Variants in GPR139 observed in about 807,000 individuals in gnomAD.
GPR139 encodes G protein-coupled receptor 139, also known as probable G protein-coupled receptor 139.
GPR139 carries 12 observed loss-of-function variants against 25.8 expected under a neutral mutation model. The ratio of observed to expected loss-of-function variants is 0.47; its 90% CI spans 0.30 to 0.75. The LOEUF is 0.75. Among genes scored for constraint, GPR139 ranks in the 30% least tolerant of loss-of-function variants. The pLI is 0.07. For synonymous variants in GPR139, 184 were observed against 179.9 expected (o/e 1.02, Z -0.18); for missense variants, 380 against 450.2 (o/e 0.84, Z 1.41).
chr16:20,050,935 T>A (rs2608177), intron 1 of GPR139, among the ~76,000 whole-genome samples: 3 of 151,770 alleles, frequency 2.0e-5, no homozygotes, highest in Admixed American at 1.3e-4. Flanking sequence ...CAGTGTCAAG[T>A]GCCTGCTGTC....
intron 1 of GPR139, among the ~76,000 whole-genome samples, chr16:20,059,103 G>A (rs888625694): frequency 6.6e-6 from 1 of 152,152 alleles, no homozygotes; most frequent in Non-Finnish European, 1.5e-5. Flanking sequence ...TGGGTGCCAG[G>A]CCCTGTTCTG....
rs755708269 is a variant in GPR139 at position 20,032,128 on chromosome 16, C to T, written c.669G>A (p.Thr223=). 2.0e-5 allele frequency: 32 copies of T among 1,613,980 alleles called. No homozygotes were observed. In the East Asian group the frequency reaches 2.2e-4, roughly 11 times the overall value. ...TGAACAAGATGGCGGTGGTCTTCCC[C>T]GTGGAGTAGCCACGGAGACGAAAAT... is the stretch of plus-strand genomic sequence containing the variant. ...KSNFRLRGYS[T]GKTTAILFTI... The change falls in exon 2 of 2, where the codon ACG becomes ACA. Residue 223 remains threonine (T), a synonymous_variant. Transcript: ENST00000570682.
rs2141198610 is a variant in GPR139, at chr16:20,031,077, T to G, written c.*658A>C. On this transcript the variant is annotated 3_prime_UTR_variant, in exon 2 of 2. Coordinates refer to ENST00000570682, the MANE Select transcript of GPR139 (RefSeq NM_001002911.4). ...ATAATGATAAATAGAAAACTGCCTT[T>G]TAGACCCCAGGTTTGAGGTCACAGC... Among the ~76,000 whole-genome samples, 1 of 152,244 alleles carries G rather than the reference T, an allele frequency of 6.6e-6. No homozygotes were observed. Among genetic ancestry groups the G allele is most frequent in the South Asian group, 2.1e-4 (1 of 4,812 alleles).
At chr16:20,033,944 A>G (rs1000169739) in intron 1 of GPR139, among the ~76,000 whole-genome samples, 1 of 151,564 alleles carries the variant, frequency 6.6e-6, no homozygotes, top group Non-Finnish European at 1.5e-5. Context: ...GTGGGGTCAG[A>G]TTTGTCTTGA....
intron 1 of GPR139, among the ~76,000 whole-genome samples, chr16:20,057,866 G>T (rs982786467): frequency 6.6e-6 from 1 of 152,110 alleles, no homozygotes; most frequent in Non-Finnish European, 1.5e-5. Flanking sequence ...ATTTTATTAT[G>T]ATGATCAATT....
chr16:20,049,911 C>A (rs1446206943), intron 1 of GPR139, among the ~76,000 whole-genome samples: 1 of 151,940 alleles, frequency 6.6e-6, no homozygotes, highest in Non-Finnish European at 1.5e-5. Flanking sequence ...ACCAACCCAA[C>A]CTAAGTGAGG....
At chr16:20,033,991 T>TG (rs201995819) in intron 1 of GPR139, among the ~76,000 whole-genome samples, 1 of 151,788 alleles carries the variant, frequency 6.6e-6, no homozygotes, top group Non-Finnish European at 1.5e-5. Context: ...GTTTTTTTTT[T>TG]AAAAAAAGTC....
intron 1 of GPR139, among the ~76,000 whole-genome samples, chr16:20,058,334 AGT>A (rs56090244): frequency 0.079 from 11,839 of 149,432 alleles, 915 homozygotes; most frequent in African/African-American, 0.21. Context: ...ATGGATGTGG[AGT>A]GTGTGTGTGT....
chr16:20,040,355 A>G (rs540913548), intron 1 of GPR139, among the ~76,000 whole-genome samples: 1 of 152,320 alleles, frequency 6.6e-6, no homozygotes, highest in South Asian at 2.1e-4. Flanking sequence ...TGGTGTTTAT[A>G]TCTCCAGGAT....
intron 1 of GPR139, among the ~76,000 whole-genome samples, chr16:20,044,026 GT>G (rs1427642909): frequency 6.6e-6 from 1 of 152,180 alleles, no homozygotes; most frequent in Non-Finnish European, 1.5e-5. Flanking sequence ...TAAAATGGGA[GT>G]AAAAATGGTA....
At chr16:20,044,994 ATTTTTTTTTTTTTT>A (rs10581585) in intron 1 of GPR139, among the ~76,000 whole-genome samples, 1 of 86,330 alleles carries the variant, frequency 1.2e-5, no homozygotes, top group Non-Finnish European at 2.2e-5. Flanking sequence ...CACTTGCACT[ATTTTTTTTTTTTTT>A]TTTTTTTTTT....
chr16:20,059,941 G>A (rs939533790), intron 1 of GPR139, among the ~76,000 whole-genome samples: 3 of 152,164 alleles, frequency 2.0e-5, no homozygotes, highest in Admixed American at 2.0e-4. Flanking sequence ...GAAGGGTCGT[G>A]GGTGCAGAGG....
intron 1 of GPR139, among the ~76,000 whole-genome samples, chr16:20,053,824 ATCT>A (rs1225041061): frequency 1.4e-5 from 1 of 71,830 alleles, no homozygotes. Context: ...CATTGCTCTC[ATCT>A]TCTTTTTTTT....
At chr16:20,034,018 A>G (rs1437360626) in intron 1 of GPR139, among the ~76,000 whole-genome samples, 1 of 152,018 alleles carries the variant, frequency 6.6e-6, no homozygotes, top group Non-Finnish European at 1.5e-5. Context: ...AATTAAGCAT[A>G]TTTAGAAAGT....
chr16:20,071,003 C>T, intron 1 of GPR139: 1 of 985,494 alleles, frequency 1.0e-6, no homozygotes, highest in Non-Finnish European at 1.2e-6. Flanking sequence ...CTCCTTACAA[C>T]TTGATCGGCT....
intron 1 of GPR139, chr16:20,070,862 G>A (rs749717113): frequency 1.8e-4 from 139 of 755,134 alleles, no homozygotes; most frequent in Non-Finnish European, 2.1e-4. Context: ...TGGTGGCTGG[G>A]GAAGGGAGGT....
intron 1 of GPR139, among the ~76,000 whole-genome samples, chr16:20,066,916 A>G (rs926590737): frequency 3.3e-5 from 5 of 152,208 alleles, no homozygotes; most frequent in Non-Finnish European, 7.3e-5. Context: ...ATGGTCACAG[A>G]TTAGCAGTCA....
chr16:20,067,112 A>G (rs1204121367), intron 1 of GPR139, among the ~76,000 whole-genome samples: 1 of 152,248 alleles, frequency 6.6e-6, no homozygotes, highest in East Asian at 1.9e-4. Flanking sequence ...TTCCAAAGCA[A>G]TGTATTTTAC....
At position 20,064,262 on chromosome 16, in the gene GPR139, C is replaced by T. The variant is rs140375510; in HGVS notation, c.127+9228G>A. Among the ~76,000 whole-genome samples the T allele has an allele frequency of 2.0e-3, 306 of 152,242 alleles. 2 individuals carry two copies. Among genetic ancestry groups the T allele is most frequent in the African/African-American group, 6.7e-3 (278 of 41,544 alleles). ...ATGTTTGGACTCATAGAAAACACAG[C>T]GGCCATTACTGCTTATACCTGTAAT... is the stretch of plus-strand genomic sequence containing the variant. On this transcript the variant is annotated intron_variant, in intron 1 of 1. Coordinates refer to ENST00000570682, the MANE Select transcript of GPR139 (RefSeq NM_001002911.4).
Sources: allele counts gnomAD v4.1 joint callset (sites outside exome capture counted in the v4.1 genomes callset), GRCh38; gene constraint gnomAD v4.1.1; transcripts MANE v1.5; gene names NCBI Gene and HGNC (gene_info 2026-07-23, HGNC 2026-07-21).